PAK4: variants seen among roughly 807,000 people sequenced by gnomAD.
PAK4 encodes serine/threonine-protein kinase PAK 4.
A neutral mutation model predicts 53.5 loss-of-function variants in PAK4; 49 were observed. That is an observed-to-expected ratio of 0.92 (90% CI 0.73 to 1.16). PAK4 has a LOEUF of 1.16. PAK4 is among the 50% of genes most tolerant of loss of function. The pLI is 0.00. For missense variants in PAK4, 824 were observed against 850.7 expected (o/e 0.97, Z 0.39); for synonymous variants, 376 against 375.6 (o/e 1.00, Z -0.01).
At position 39,169,428 on chromosome 19, in the gene PAK4, C is replaced by T. The variant is rs2074433897; in HGVS notation, c.-22-104C>T. On this transcript the variant is annotated intron_variant, in intron 1 of 8. Transcript: ENST00000358301. ...AGACCCAGAAGGAGGCTACTGCCTC[C>T]TGTTGGTCCCGGTGTAAGATGAGGA... 7.3e-6 allele frequency: 6 copies of T among 823,228 alleles called. No homozygotes were observed. The Admixed American group carries it at 1.3e-4, about 18-fold the overall frequency. 51.0% of individuals were successfully genotyped at this position (823,228 alleles called of 1,614,324 possible). A position where few individuals can be genotyped will look rare whatever the true frequency, so the allele number is the denominator to read the frequency against.
At chr19:39,174,085 C>T in intron 4 of PAK4, 75 bp downstream of exon 5, 1 of 946,852 alleles carries the variant, frequency 1.1e-6, no homozygotes, top group Non-Finnish European at 1.6e-6. Context: ...CTCCTCCCTC[C>T]TCTCCCTGCA....
At chr19:39,140,244 G>T (rs937164801) in intron 1 of PAK4, among the ~76,000 whole-genome samples, 2 of 152,148 alleles carry the variant, frequency 1.3e-5, no homozygotes, top group Admixed American at 6.5e-5. Flanking sequence ...TTTGAGGCAG[G>T]ATCTGGCTGA....
chr19:39,139,566 T>G (rs1337540667), intron 1 of PAK4, among the ~76,000 whole-genome samples: 1 of 152,292 alleles, frequency 6.6e-6, no homozygotes, highest in Admixed American at 6.5e-5. Flanking sequence ...CCCAGACTCC[T>G]GATGGTCCTA....
At chr19:39,130,442 A>T (rs1452422565) in intron 1 of PAK4, among the ~76,000 whole-genome samples, 1 of 152,026 alleles carries the variant, frequency 6.6e-6, no homozygotes, top group Non-Finnish European at 1.5e-5. Flanking sequence ...GGCTTTCTGG[A>T]TAAGATGACA....
chr19:39,152,324 T>C (rs1019031941), intron 1 of PAK4: 3 of 152,076 alleles, frequency 2.0e-5, no homozygotes, highest in Non-Finnish European at 4.4e-5. Context: ...GTGCTACCCA[T>C]CTGTGGCTAC....
At chr19:39,174,866 G>A (rs1004520675) in intron 4 of PAK4, 65 bp from the exon 6 acceptor site, 15 of 1,594,614 alleles carry the variant, frequency 9.4e-6, no homozygotes, top group Non-Finnish European at 1.1e-5. Context: ...GGGGGGTGGC[G>A]GTGGCTGGGT....
chr19:39,173,779 C>T lies in PAK4; in HGVS notation c.867C>T (p.Pro289=). The change falls in exon 4 of 9, where the codon CCC becomes CCT. Residue 289 remains proline (P), a synonymous_variant. Transcript: ENST00000358301. The surrounding 1 kb of genome is among the most constrained non-coding windows in gnomAD (Gnocchi z 6.9). Reference sequence around the variant, plus strand: ...CTGCTGTTCCTGGGCCCCCTGGCCCCCGCTCACCACAGCGGGAGCCACAGC... The same window carrying T: ...CTGCTGTTCCTGGGCCCCCTGGCCCTCGCTCACCACAGCGGGAGCCACAGC... 6.2e-7 allele frequency: 1 copy of T among 1,601,830 alleles called. No homozygotes were observed. Among genetic ancestry groups the T allele is most frequent in the Non-Finnish European group, 8.5e-7 (1 of 1,175,638 alleles).
chr19:39,167,016 G>GCAGGAGGC (rs2074387095), intron 1 of PAK4, among the ~76,000 whole-genome samples: 1 of 152,240 alleles, frequency 6.6e-6, no homozygotes, highest in African/African-American at 2.4e-5. Flanking sequence ...GGGTGGGAGG[G>GCAGGAGGC]CAGGAGGCCA....
chr19:39,152,960 C>T (rs1446547678), intron 1 of PAK4, among the ~76,000 whole-genome samples: 4 of 152,272 alleles, frequency 2.6e-5, no homozygotes, highest in Non-Finnish European at 4.4e-5. Context: ...GGAGGGCTGA[C>T]TGAGGGACGT....
chr19:39,138,821 A>G (rs933540087), intron 1 of PAK4, among the ~76,000 whole-genome samples: 1 of 152,226 alleles, frequency 6.6e-6, no homozygotes, highest in Admixed American at 6.5e-5. Flanking sequence ...TTATTAGGGA[A>G]CAGGCTCTGG....
chr19:39,128,939 C>A (rs1378965860), intron 1 of PAK4, among the ~76,000 whole-genome samples: 2 of 152,264 alleles, frequency 1.3e-5, no homozygotes, highest in Non-Finnish European at 2.9e-5. Flanking sequence ...TTGGTCTGGG[C>A]TGGGGCTGGC....
chr19:39,157,106 C>G (rs1221169364), intron 1 of PAK4, among the ~76,000 whole-genome samples: 1 of 152,104 alleles, frequency 6.6e-6, no homozygotes, highest in Non-Finnish European at 1.5e-5. Flanking sequence ...TGCACGAGGG[C>G]AGAAGTTTCC....
exon 7 of PAK4, chr19:39,176,701 C>T (rs748525257): frequency 1.6e-5 from 25 of 1,610,330 alleles, no homozygotes; most frequent in Non-Finnish European, 2.1e-5. Flanking sequence ...CTCCCGCCTT[C>T]CCTACGGGCC....
Position 39,167,233 on chromosome 19 carries a change from A to G in PAK4, c.-22-2299A>G, listed in dbSNP as rs367790123. On this transcript the variant is annotated intron_variant, in intron 1 of 8. Coordinates refer to ENST00000358301, the Ensembl canonical transcript of PAK4. Reference sequence around the variant, plus strand: ...TGCCCCGCAGTGGGGAGGGAGCGGGATGGGGCGGGGCGACAGGTTCACGAT... The same window carrying G: ...TGCCCCGCAGTGGGGAGGGAGCGGGGTGGGGCGGGGCGACAGGTTCACGAT... Among the ~76,000 whole-genome samples, 59 of 152,158 alleles carry G rather than the reference A, an allele frequency of 3.9e-4. 1 individual carries two copies. The South Asian group carries it at 0.011, about 28-fold the overall frequency.
chr19:39,126,502 C>G (rs1006999608), intron 1 of PAK4, among the ~76,000 whole-genome samples: 1 of 151,310 alleles, frequency 6.6e-6, no homozygotes, highest in African/African-American at 2.4e-5. Flanking sequence ...GAAGGGGGAA[C>G]CCTCCCACAA....
intron 1 of PAK4, among the ~76,000 whole-genome samples, chr19:39,141,051 G>A (rs542334789): frequency 6.6e-6 from 1 of 152,248 alleles, no homozygotes; most frequent in African/African-American, 2.4e-5. Context: ...ATTACGATGA[G>A]GTCACATTTC....
chr19:39,158,113 TTGTG>T (rs566972234), intron 1 of PAK4, among the ~76,000 whole-genome samples: 4 of 150,666 alleles, frequency 2.7e-5, no homozygotes, highest in Middle Eastern at 3.4e-3. Context: ...CATGTGAGCA[TTGTG>T]TGAGTGCGTG....
intron 1 of PAK4, among the ~76,000 whole-genome samples, chr19:39,148,091 A>G (rs1355996654): frequency 6.6e-6 from 1 of 151,308 alleles, no homozygotes; most frequent in Non-Finnish European, 1.5e-5. Flanking sequence ...AGCTGGGATT[A>G]CAGGCATGTG....
chr19:39,163,090 C>T (rs1445863628), intron 1 of PAK4, among the ~76,000 whole-genome samples: 1 of 152,094 alleles, frequency 6.6e-6, no homozygotes, highest in Admixed American at 6.5e-5. Context: ...AAACTCCCAG[C>T]GCCTCCACCA....
Sources: allele counts gnomAD v4.1 joint callset (sites outside exome capture counted in the v4.1 genomes callset), GRCh38; gene constraint gnomAD v4.1.1; non-coding constraint Gnocchi (gnomAD v3.1); transcripts MANE v1.5; gene names NCBI Gene and HGNC (gene_info 2026-07-23, HGNC 2026-07-21).